Variants in RBFOX1 observed in about 807,000 individuals in gnomAD.
RBFOX1 encodes RNA binding protein fox-1 homolog 1.
In RBFOX1, 8 loss-of-function variants were observed where a neutral mutation model predicts 57.7. The ratio of observed to expected loss-of-function variants is 0.14; its 90% CI spans 0.08 to 0.25. The LOEUF is 0.25. RBFOX1 is among the 10% of genes least tolerant of loss of function. RBFOX1 has a pLI of 1.00. For synonymous variants in RBFOX1, 326 were observed against 222.4 expected (o/e 1.47, Z -4.15); for missense variants, 611 against 548.5 (o/e 1.11, Z -1.14).
At chr16:5,898,040 G>A (rs959342307) in intron 4 of RBFOX1, among the ~76,000 whole-genome samples, 6 of 152,006 alleles carry the variant, frequency 3.9e-5, no homozygotes, top group Non-Finnish European at 5.9e-5. Flanking sequence ...ATTGACTCAC[G>A]GTTCTTCTTG....
At chr16:6,353,010 A>G (rs1378572247) in intron 2 of RBFOX1, among the ~76,000 whole-genome samples, 1 of 152,204 alleles carries the variant, frequency 6.6e-6, no homozygotes, top group Non-Finnish European at 1.5e-5. Context: ...AGTCAGGTGA[A>G]TAAGAATGCT....
chr16:6,428,315 C>T (rs1042708201), intron 2 of RBFOX1, among the ~76,000 whole-genome samples: 2 of 149,534 alleles, frequency 1.3e-5, no homozygotes, highest in East Asian at 2.0e-4. Flanking sequence ...AAAAAGTGCT[C>T]GATGCCTAGT....
intron 3 of RBFOX1, among the ~76,000 whole-genome samples, chr16:6,932,224 C>G (rs2076678248): frequency 6.6e-6 from 1 of 152,184 alleles, no homozygotes; most frequent in Non-Finnish European, 1.5e-5. Flanking sequence ...CTGCCTCGGC[C>G]TCCCAAGTAG....
At chr16:7,320,899 C>G (rs987745273) in intron 4 of RBFOX1, among the ~76,000 whole-genome samples, 1 of 152,204 alleles carries the variant, frequency 6.6e-6, no homozygotes, top group Non-Finnish European at 1.5e-5. Context: ...GTTTAAGTAA[C>G]TTGCCCAGGG....
intron 2 of RBFOX1, among the ~76,000 whole-genome samples, chr16:5,470,298 G>A (rs1442741717): frequency 6.6e-6 from 1 of 152,166 alleles, no homozygotes; most frequent in Non-Finnish European, 1.5e-5. Context: ...GAGGGAAGGG[G>A]AGACAGGCTC....
At chr16:5,372,799 C>G (rs2065892044) in intron 1 of RBFOX1, among the ~76,000 whole-genome samples, 1 of 152,238 alleles carries the variant, frequency 6.6e-6, no homozygotes, top group Admixed American at 6.5e-5. Context: ...ATTGTTCATG[C>G]TGGGTCGCGT....
chr16:5,294,483 T>G (rs928037913), intron 1 of RBFOX1, among the ~76,000 whole-genome samples: 2 of 152,110 alleles, frequency 1.3e-5, no homozygotes, highest in African/African-American at 4.8e-5. Flanking sequence ...GAGGGGTAAT[T>G]TTTACAATGC....
intron 3 of RBFOX1, among the ~76,000 whole-genome samples, chr16:7,004,696 C>T (rs1039872319): frequency 6.6e-6 from 1 of 152,174 alleles, no homozygotes; most frequent in Non-Finnish European, 1.5e-5. Context: ...AAAGCCACAT[C>T]ATAACCAGGA....
intron 3 of RBFOX1, among the ~76,000 whole-genome samples, chr16:6,831,151 C>A (rs1007903017): frequency 7.2e-5 from 11 of 152,142 alleles, no homozygotes; most frequent in African/African-American, 2.4e-4. Flanking sequence ...CGGTTTTGCT[C>A]ATTATAATTT....
intron 3 of RBFOX1, among the ~76,000 whole-genome samples, chr16:6,716,720 G>A (rs778292975): frequency 2.9e-4 from 44 of 152,128 alleles, no homozygotes; most frequent in Non-Finnish European, 4.4e-4. Context: ...TCACCAGTGG[G>A]CATGTAACCC....
At chr16:7,662,115 C>T (rs933226800) in intron 12 of RBFOX1, among the ~76,000 whole-genome samples, 1 of 152,164 alleles carries the variant, frequency 6.6e-6, no homozygotes, top group African/African-American at 2.4e-5. Flanking sequence ...TGCCATGTGC[C>T]CCGTTGGAAC....
chr16:5,945,803 C>G (rs117530872), intron 4 of RBFOX1, among the ~76,000 whole-genome samples: 2 of 152,266 alleles, frequency 1.3e-5, no homozygotes, highest in East Asian at 1.9e-4. Context: ...GAATTCATAT[C>G]CTGCTCAGAC....
chr16:6,878,808 G>T (rs1274909479), intron 3 of RBFOX1, among the ~76,000 whole-genome samples: 1 of 152,184 alleles, frequency 6.6e-6, no homozygotes, highest in Non-Finnish European at 1.5e-5. Flanking sequence ...TTTTCACAAA[G>T]TATAGAAAGG....
At chr16:7,308,355 T>C (rs2096241441) in intron 4 of RBFOX1, among the ~76,000 whole-genome samples, 1 of 151,070 alleles carries the variant, frequency 6.6e-6, no homozygotes, top group African/African-American at 2.4e-5. Context: ...GCATATTAAC[T>C]TAATTTTCTC....
At chr16:7,012,983 G>A (rs1030089717) in intron 3 of RBFOX1, among the ~76,000 whole-genome samples, 1 of 152,120 alleles carries the variant, frequency 6.6e-6, no homozygotes, top group Non-Finnish European at 1.5e-5. Context: ...TGTCTTCAGT[G>A]GCGTTTCCTC....
At chr16:7,171,207 A>ACC (rs768829515) in intron 4 of RBFOX1, among the ~76,000 whole-genome samples, 5 of 151,964 alleles carry the variant, frequency 3.3e-5, no homozygotes, top group African/African-American at 4.8e-5. Context: ...CCCAGTACTA[A>ACC]CTCCCAGGTC....
At chr16:6,979,919 T>C (rs1385984744) in intron 3 of RBFOX1, among the ~76,000 whole-genome samples, 1 of 152,144 alleles carries the variant, frequency 6.6e-6, no homozygotes, top group East Asian at 1.9e-4. Context: ...GTCAAAGAGA[T>C]GGAACTGCCA....
intron 1 of RBFOX1, among the ~76,000 whole-genome samples, chr16:5,448,107 A>C (rs986498856): frequency 6.6e-6 from 1 of 152,192 alleles, no homozygotes; most frequent in African/African-American, 2.4e-5. Flanking sequence ...GTCTTTTGAC[A>C]TCCTGTTCTT....
intron 2 of RBFOX1, among the ~76,000 whole-genome samples, chr16:6,598,311 A>G (rs577868756): frequency 6.6e-6 from 1 of 152,298 alleles, no homozygotes; most frequent in South Asian, 2.1e-4. Flanking sequence ...TACTCTTTTA[A>G]AAGACTGCAT....
Sources: allele counts gnomAD v4.1 joint callset (sites outside exome capture counted in the v4.1 genomes callset), GRCh38; gene constraint gnomAD v4.1.1; transcripts MANE v1.5; gene names NCBI Gene and HGNC (gene_info 2026-07-23, HGNC 2026-07-21).